Variants in LAMB1 observed in about 807,000 individuals in gnomAD.
LAMB1 encodes laminin subunit beta 1.
A neutral mutation model predicts 222.3 loss-of-function variants in LAMB1; 121 were observed. That is an observed-to-expected ratio of 0.54 (90% confidence interval 0.47 to 0.63). LAMB1 has a LOEUF of 0.63. Ranked by LOEUF, LAMB1 falls within the 30% of genes least tolerant of loss-of-function variation. The probability of loss-of-function intolerance (pLI) is 0.00; values close to 1 mark genes in which losing one functional copy is unlikely to be tolerated. For missense variants in LAMB1, 2,172 were observed against 2,240.8 expected (o/e 0.97, Z 0.62); for synonymous variants, 794 against 807.2 (o/e 0.98, Z 0.28).
At chr7:107,964,881 A>C (rs113225573) in intron 13 of LAMB1, among the ~76,000 whole-genome samples, 194 bp from the exon 14 acceptor site, 124 of 152,316 alleles carry the variant, frequency 8.1e-4, no homozygotes, top group African/African-American at 2.7e-3. Flanking sequence ...CGTGGCTGAG[A>C]ACCTGGTCTT....
chr7:107,928,356 A>G (rs776016243), intron 31 of LAMB1, among the ~76,000 whole-genome samples: 1 of 152,228 alleles, frequency 6.6e-6, no homozygotes, highest in Non-Finnish European at 1.5e-5. Context: ...ACTACTATAT[A>G]GTAAAATGTT....
chr7:107,923,939 T>A lies in LAMB1; in HGVS notation c.*12A>T, dbSNP rs1562924427. 1 of 1,598,810 alleles carries A rather than the reference T, an allele frequency of 6.3e-7. No homozygotes were observed. Among genetic ancestry groups the A allele is most frequent in the Non-Finnish European group, 8.5e-7 (1 of 1,175,994 alleles). ...TACCTTGTTCACCTCAGCCATTTTT[T>A]ATTCTCCTCTGTTACAAGCATGTGC... On this transcript the variant is annotated 3_prime_UTR_variant, in exon 34 of 34. Transcript: ENST00000222399.
rs767451043 is a variant in LAMB1 at position 107,959,272 on chromosome 7, G to A, written c.2667C>T (p.Tyr889=). The A allele has an allele frequency of 5.0e-6, 8 of 1,614,020 alleles. No homozygotes were observed. The South Asian group carries it at 5.5e-5, about 11-fold the overall frequency. Residue 889 remains tyrosine (Y), a synonymous_variant, in exon 20 of 34, where the codon TAC becomes TAT. Coordinates refer to ENST00000222399, the MANE Select transcript of LAMB1 (RefSeq NM_002291.3). ...ACCTTTCACAGTTATGACCCATGGTGTAGTCCTGGCAGTTCAAGCACTCCC... is the reference window on the plus strand; with the variant it reads ...ACCTTTCACAGTTATGACCCATGGTATAGTCCTGGCAGTTCAAGCACTCCC... ...VTGECLNCQD[Y]TMGHNCERCL... is the part of the protein sequence containing the mutation.
chr7:107,953,799 T>C (rs373598364), intron 21 of LAMB1, 45 bp from the exon 22 acceptor site: 19 of 1,549,138 alleles, frequency 1.2e-5, no homozygotes, highest in African/African-American at 2.7e-5. Context: ...GCTTATTGAC[T>C]GAAAGCTCAC....
intron 5 of LAMB1, among the ~76,000 whole-genome samples, chr7:107,986,805 G>A (rs1411053414): frequency 6.6e-6 from 1 of 152,194 alleles, no homozygotes; most frequent in Non-Finnish European, 1.5e-5. Flanking sequence ...ACAGTCCAAT[G>A]AGGTGCAGAT....
Position 107,932,095 on chromosome 7 carries a change from A to T in LAMB1, c.4392+79T>A, listed in dbSNP as rs573348197. On this transcript the variant is annotated intron_variant, in intron 28 of 33. Coordinates refer to ENST00000222399, the MANE Select transcript of LAMB1 (RefSeq NM_002291.3). ...TCATTTCAGTTAGCATTTAGAATTGATTTCTCCCTTTCAGATCCTTTAGTC... is the reference window on the plus strand; with the variant it reads ...TCATTTCAGTTAGCATTTAGAATTGTTTTCTCCCTTTCAGATCCTTTAGTC... 113 of 1,266,312 alleles carry T rather than the reference A, an allele frequency of 8.9e-5. No homozygotes were observed. In the African/African-American group the frequency reaches 1.2e-3, roughly 14 times the overall value. The allele number at this position is 1,266,312 out of a possible 1,614,324, so 78.4% of individuals were successfully genotyped here. A position where few individuals can be genotyped will look rare whatever the true frequency, so the allele number is the denominator to read the frequency against.
rs1309335457 is a variant in LAMB1 at position 107,959,427 on chromosome 7, C to T, written c.2512G>A (p.Gly838Ser). ...SVNAFCNPVT[G>S]QCHCFQGVYA... ...ACTCCCTGGAAACAGTGGCACTGGCCAGTGACGGGATTGCAGAAGGCATTG... is the reference window on the plus strand; with the variant it reads ...ACTCCCTGGAAACAGTGGCACTGGCTAGTGACGGGATTGCAGAAGGCATTG... The change falls in exon 20 of 34, where the codon GGC (glycine) becomes AGC (serine). Residue 838 changes from glycine (G) to serine (S), a missense_variant. Gly to Ser is a moderately conservative substitution (Grantham distance 56). Coordinates refer to ENST00000222399, the MANE Select transcript of LAMB1 (RefSeq NM_002291.3). 1 of 1,614,120 alleles carries T rather than the reference C, an allele frequency of 6.2e-7. No individual in the cohort carries two copies. The highest frequency in any genetic ancestry group is 8.5e-7 in the Non-Finnish European group (1 of 1,180,060).
intron 31 of LAMB1, among the ~76,000 whole-genome samples, 157 bp downstream of exon 31, chr7:107,928,907 A>G (rs1051677614): frequency 7.9e-5 from 12 of 152,146 alleles, no homozygotes; most frequent in Admixed American, 2.0e-4. Flanking sequence ...ATCTCCACTT[A>G]TTTTTAGCAT....
At chr7:107,957,495 C>T (rs1032150426) in intron 20 of LAMB1, among the ~76,000 whole-genome samples, 4 of 152,236 alleles carry the variant, frequency 2.6e-5, no homozygotes, top group African/African-American at 9.6e-5. Flanking sequence ...TTGCAGTGAG[C>T]TGAGATTGCA....
Position 107,932,303 on chromosome 7 carries a change from T to C in LAMB1, c.4263A>G (p.Gly1421=), listed in dbSNP as rs897472977. Reference sequence around the variant, plus strand: ...AGCCAGGCCCCCCACACTTCCTCTCTCCTTCGTCAGTTCTGCAGTTTGGCC... The same window carrying C: ...AGCCAGGCCCCCCACACTTCCTCTCCCCTTCGTCAGTTCTGCAGTTTGGCC... ...CGGPNCRTDE[G]ERKCGGPGCG... The change falls in exon 28 of 34, where the codon GGA becomes GGG. Residue 1421 remains glycine, a synonymous_variant. Coordinates refer to ENST00000222399, the MANE Select transcript of LAMB1 (RefSeq NM_002291.3). 3.7e-6 allele frequency: 6 copies of C among 1,614,028 alleles called. No homozygotes were observed. The African/African-American group carries it at 5.3e-5, about 14-fold the overall frequency.
intron 5 of LAMB1, among the ~76,000 whole-genome samples, chr7:107,991,897 CT>C (rs2034190828): frequency 9.9e-6 from 1 of 101,372 alleles, no homozygotes; most frequent in African/African-American, 4.2e-5. Context: ...GAGAGCGAGA[CT>C]TCGTCTCAAA....
intron 5 of LAMB1, among the ~76,000 whole-genome samples, chr7:107,992,160 G>C (rs1448893980): frequency 1.3e-5 from 2 of 152,070 alleles, no homozygotes; most frequent in African/African-American, 4.8e-5. Context: ...GCCATGAATG[G>C]CCTTTCTTCC....
chr7:107,979,453 C>G (rs2033931089), intron 8 of LAMB1, among the ~76,000 whole-genome samples: 1 of 152,178 alleles, frequency 6.6e-6, no homozygotes, highest in Admixed American at 6.5e-5. Flanking sequence ...TGAGGAGAGG[C>G]TTGAGCTTCC....
chr7:107,943,729 C>G (rs549180422), intron 24 of LAMB1, among the ~76,000 whole-genome samples: 1 of 152,082 alleles, frequency 6.6e-6, no homozygotes, highest in Non-Finnish European at 1.5e-5. Flanking sequence ...CACAGTCACG[C>G]GACCCCGTTT....
At chr7:107,955,692 G>A in intron 20 of LAMB1, 62 bp from the exon 21 acceptor site, 3 of 1,466,298 alleles carry the variant, frequency 2.0e-6, no homozygotes, top group South Asian at 2.7e-5. Flanking sequence ...CTGTTCCAAG[G>A]AAAGTCTTGA....
intron 28 of LAMB1, 114 bp from the exon 29 acceptor site, chr7:107,931,614 GT>G (rs1464321477): frequency 2.0e-6 from 2 of 1,008,504 alleles, no homozygotes; most frequent in African/African-American, 3.2e-5. Flanking sequence ...GGAATCATAT[GT>G]CTGGGAAACA....
Position 108,002,921 on chromosome 7 carries a change from A to T in LAMB1, c.-36T>A, listed in dbSNP as rs1284934478. ...TGCAGCCACGGGGACGCGGCAGAGGAGTGGAGAAGACGCCCGCCGAGCCGC... is the reference window on the plus strand; with the variant it reads ...TGCAGCCACGGGGACGCGGCAGAGGTGTGGAGAAGACGCCCGCCGAGCCGC... On this transcript the variant is annotated 5_prime_UTR_variant, in exon 2 of 34. Coordinates refer to ENST00000222399, the MANE Select transcript of LAMB1 (RefSeq NM_002291.3). The T allele has an allele frequency of 6.2e-7, 1 of 1,612,182 alleles. No homozygotes were observed.
intron 27 of LAMB1, 61 bp from the exon 28 acceptor site, chr7:107,932,438 G>T (rs1012437381): frequency 5.2e-6 from 8 of 1,539,726 alleles, no homozygotes; most frequent in Non-Finnish European, 6.3e-6. Flanking sequence ...CAGCAAAACA[G>T]CTGTGCAGGG....
chr7:107,978,025 T>C (rs2033901854), intron 9 of LAMB1, 22 bp downstream of exon 9: 2 of 1,613,670 alleles, frequency 1.2e-6, no homozygotes, highest in Non-Finnish European at 1.7e-6. Flanking sequence ...GGATTTAAAA[T>C]GTCCCTTCAA....
Sources: allele counts gnomAD v4.1 joint callset (sites outside exome capture counted in the v4.1 genomes callset), GRCh38; gene constraint gnomAD v4.1.1; transcripts MANE v1.5; gene names NCBI Gene and HGNC (gene_info 2026-07-23, HGNC 2026-07-21).